The following RIPOR2 variants were observed in gnomAD, a reference collection of about 807,000 sequenced individuals.
RIPOR2 encodes rho family-interacting cell polarization regulator 2.
In RIPOR2, 39 loss-of-function variants were observed where a neutral mutation model predicts 114.5. The ratio of observed to expected loss-of-function variants is 0.34; its 90% confidence interval spans 0.26 to 0.44. RIPOR2 has a LOEUF of 0.44. Ranked by LOEUF, RIPOR2 falls within the 20% of genes least tolerant of loss-of-function variation. The probability of loss-of-function intolerance (pLI) is 1.00; values close to 1 mark genes in which losing one functional copy is unlikely to be tolerated. For missense variants in RIPOR2, 1,007 were observed against 1,255.1 expected (o/e 0.80, Z 2.99); for synonymous variants, 445 against 484.4 (o/e 0.92, Z 1.07).
At chr6:25,033,276 A>C (rs1485033076) in intron 1 of RIPOR2, among the ~76,000 whole-genome samples, 1 of 152,234 alleles carries the variant, frequency 6.6e-6, no homozygotes, top group Non-Finnish European at 1.5e-5. Flanking sequence ...ATTTAACTTA[A>C]TGGGCTATAA....
intron 1 of RIPOR2, among the ~76,000 whole-genome samples, chr6:25,014,744 A>G (rs1342476006): frequency 6.6e-6 from 1 of 152,212 alleles, no homozygotes; most frequent in Non-Finnish European, 1.5e-5. Context: ...CAAAATTTAG[A>G]CAGTCCATCC....
At chr6:24,849,438 G>A (rs4451128) in intron 11 of RIPOR2, among the ~76,000 whole-genome samples, 1 of 152,072 alleles carries the variant, frequency 6.6e-6, no homozygotes, top group Non-Finnish European at 1.5e-5. Flanking sequence ...TCAAAGTACC[G>A]CCTATTGGAC....
chr6:24,832,910 T>TATAA (rs1476552670), intron 15 of RIPOR2, among the ~76,000 whole-genome samples: 1 of 152,212 alleles, frequency 6.6e-6, no homozygotes, highest in Non-Finnish European at 1.5e-5. Flanking sequence ...CTGAGTTCTG[T>TATAA]ATAAGTGTTA....
chr6:25,009,031 C>T (rs1763530061), intron 1 of RIPOR2, among the ~76,000 whole-genome samples: 1 of 152,228 alleles, frequency 6.6e-6, no homozygotes, highest in African/African-American at 2.4e-5. Flanking sequence ...CTGACTGCTG[C>T]CTCACCTCAG....
At chr6:25,029,423 A>AAAG (rs1776800263) in intron 1 of RIPOR2, among the ~76,000 whole-genome samples, 1 of 151,196 alleles carries the variant, frequency 6.6e-6, no homozygotes, top group Non-Finnish European at 1.5e-5. Context: ...AAAAAAAAAA[A>AAAG]AAAAAAAAAA....
intron 17 of RIPOR2, 29 bp from the exon 18 acceptor site, chr6:24,828,324 C>T: frequency 6.8e-7 from 1 of 1,462,352 alleles, no homozygotes; most frequent in Non-Finnish European, 9.1e-7. Flanking sequence ...CACAAAGCAG[C>T]TTTAGATAGA....
chr6:25,024,591 GT>G, intron 1 of RIPOR2: 3 of 490,186 alleles, frequency 6.1e-6, no homozygotes, highest in Non-Finnish European at 1.1e-5. Context: ...AACAAGAGCA[GT>G]CAGATTTTTT....
intron 1 of RIPOR2, among the ~76,000 whole-genome samples, chr6:25,010,481 G>C (rs554534693): frequency 6.6e-6 from 1 of 152,294 alleles, no homozygotes; most frequent in East Asian, 1.9e-4. Context: ...CTCTTTACTT[G>C]ACAGATTACA....
chr6:24,843,847 G>A (rs1167026508), intron 12 of RIPOR2, among the ~76,000 whole-genome samples: 3 of 151,866 alleles, frequency 2.0e-5, no homozygotes, highest in African/African-American at 7.3e-5. Context: ...CAAAAGAAAA[G>A]GTTGCATGGG....
At chr6:24,841,489 C>T (rs1297814099) in intron 13 of RIPOR2, among the ~76,000 whole-genome samples, 7 of 151,904 alleles carry the variant, frequency 4.6e-5, no homozygotes, top group Admixed American at 4.6e-4. Flanking sequence ...TTATCATCTG[C>T]CTGGGGCACA....
intron 1 of RIPOR2, among the ~76,000 whole-genome samples, chr6:24,983,193 T>TACACACACAC (rs5875016): frequency 1.4e-3 from 205 of 147,330 alleles, no homozygotes; most frequent in African/African-American, 4.7e-3. Context: ...GTTGAACACG[T>TACACACACAC]ACACACACAC....
chr6:24,978,295 C>T (rs1409109195), intron 1 of RIPOR2, among the ~76,000 whole-genome samples: 2 of 151,994 alleles, frequency 1.3e-5, no homozygotes, highest in Admixed American at 6.6e-5. Context: ...TGAATGTCCC[C>T]GTTTCCAATG....
chr6:24,986,085 A>G (rs1774517864), intron 1 of RIPOR2, among the ~76,000 whole-genome samples: 1 of 152,218 alleles, frequency 6.6e-6, no homozygotes, highest in Non-Finnish European at 1.5e-5. Flanking sequence ...TAGAAGATTA[A>G]TACTGTGTGT....
chr6:24,865,623 C>T (rs1301991412), intron 6 of RIPOR2, among the ~76,000 whole-genome samples, 173 bp from the exon 7 acceptor site: 2 of 152,156 alleles, frequency 1.3e-5, no homozygotes, highest in African/African-American at 2.4e-5. Flanking sequence ...CACTGTGATA[C>T]ATTTTGTCTC....
chr6:24,895,048 T>C (rs1404972323), intron 1 of RIPOR2, among the ~76,000 whole-genome samples: 1 of 152,026 alleles, frequency 6.6e-6, no homozygotes, highest in African/African-American at 2.4e-5. Flanking sequence ...CCTGGGCAGT[T>C]TTTTTGTTTT....
chr6:24,841,871 G>T (rs1409321542), intron 13 of RIPOR2, among the ~76,000 whole-genome samples: 1 of 152,046 alleles, frequency 6.6e-6, no homozygotes, highest in African/African-American at 2.4e-5. Flanking sequence ...GCCCGCCTTG[G>T]CCTTCCAACA....
upstream of RIPOR2, among the ~76,000 whole-genome samples, chr6:24,940,172 T>C (rs405882): frequency 0.78 from 118,004 of 152,014 alleles, 46,361 homozygotes; most frequent in African/African-American, 0.9. Context: ...CTATAATAAT[T>C]AATAATTTAT....
At position 24,817,976 on chromosome 6, in the gene RIPOR2, C is replaced by CTTTTTTTTTTTTTTTTTTTTTTTTTTTT. The variant is rs758675486; in HGVS notation, c.2952+565_2952+566insAAAAAAAAAAAAAAAAAAAAAAAAAAAA. ...ATATACTTTCCTTTTCTCTCTCTCT[C>CTTTTTTTTTTTTTTTTTTTTTTTTTTTT]TCTTTTTTTTTGAGACAGAGTCTGG... On this transcript the variant is annotated intron_variant, in intron 20 of 21. Coordinates refer to ENST00000643898, the MANE Select transcript of RIPOR2 (RefSeq NM_001286445.3). 5.9e-5 allele frequency among the ~76,000 whole-genome samples: 5 copies of CTTTTTTTTTTTTTTTTTTTTTTTTTTTT among 84,446 alleles called. 1 individual carries two copies. The highest frequency in any genetic ancestry group is 4.5e-5 in the African/African-American group (1 of 22,400). 55.4% of individuals were successfully genotyped at this position (84,446 alleles called of 152,430 possible). A position where few individuals can be genotyped will look rare whatever the true frequency, so the allele number is the denominator to read the frequency against.
chr6:24,881,617 T>A (rs1766361409), intron 1 of RIPOR2, among the ~76,000 whole-genome samples: 1 of 152,234 alleles, frequency 6.6e-6, no homozygotes, highest in Non-Finnish European at 1.5e-5. Context: ...CTGCCTTTTC[T>A]CTGACTATGC....
Sources: allele counts gnomAD v4.1 joint callset (sites outside exome capture counted in the v4.1 genomes callset), GRCh38; gene constraint gnomAD v4.1.1; transcripts MANE v1.5; gene names NCBI Gene and HGNC (gene_info 2026-07-23, HGNC 2026-07-21).